Variants in PDE4D observed in about 807,000 individuals in gnomAD.
PDE4D encodes 3',5'-cyclic-AMP phosphodiesterase 4D.
PDE4D carries 24 observed loss-of-function variants against 87.4 expected under a neutral mutation model. That is an observed-to-expected ratio of 0.27 (90% CI 0.20 to 0.39). The LOEUF (loss-of-function observed/expected upper bound fraction) is 0.39, where lower values mean the gene tolerates loss of function less well. Among genes scored for constraint, PDE4D ranks in the 10% least tolerant of loss-of-function variants. The probability of loss-of-function intolerance (pLI) is 1.00; values close to 1 mark genes in which losing one functional copy is unlikely to be tolerated. For missense variants in PDE4D, 714 were observed against 1,041.0 expected (o/e 0.69, Z 4.32); for synonymous variants, 384 against 383.2 (o/e 1.00, Z -0.02).
chr5:59,125,731 G>A (rs1051988281), intron 5 of PDE4D, among the ~76,000 whole-genome samples: 2 of 152,198 alleles, frequency 1.3e-5, no homozygotes, highest in Non-Finnish European at 2.9e-5. Context: ...TGGGCAGGAT[G>A]CGATGGGGGA....
intron 1 of PDE4D, among the ~76,000 whole-genome samples, chr5:59,884,172 T>C (rs1422315812): frequency 5.9e-5 from 9 of 151,964 alleles, no homozygotes; most frequent in African/African-American, 2.2e-4. Flanking sequence ...ACAGAATATA[T>C]ATGTATTCTC....
chr5:60,067,774 T>A (rs1352197600), intron 2 of PDE4D, among the ~76,000 whole-genome samples: 1 of 152,154 alleles, frequency 6.6e-6, no homozygotes, highest in South Asian at 2.1e-4. Flanking sequence ...TTTGATTCTA[T>A]GAATTTGACT....
At chr5:59,916,332 G>T (rs766184029) in intron 3 of PDE4D, among the ~76,000 whole-genome samples, 1 of 152,144 alleles carries the variant, frequency 6.6e-6, no homozygotes, top group African/African-American at 2.4e-5. Context: ...CGTATTACAA[G>T]AATGAGCTAC....
At chr5:59,317,636 G>C (rs879700845) in intron 1 of PDE4D, among the ~76,000 whole-genome samples, 1 of 151,976 alleles carries the variant, frequency 6.6e-6, no homozygotes. Flanking sequence ...TCTTTCCCTC[G>C]CGTAAGAACC....
chr5:59,349,816 T>C (rs1780221231), intron 1 of PDE4D, among the ~76,000 whole-genome samples: 1 of 152,092 alleles, frequency 6.6e-6, no homozygotes, highest in Non-Finnish European at 1.5e-5. Flanking sequence ...TGCTGGTCCG[T>C]AGCCTGCAGG....
intron 10 of PDE4D, 52 bp downstream of exon 10, chr5:58,989,703 G>A: frequency 8.6e-7 from 1 of 1,168,326 alleles, no homozygotes; most frequent in Non-Finnish European, 1.2e-6. Context: ...AAGTTTAATA[G>A]ACCTTTATGA....
intron 1 of PDE4D, among the ~76,000 whole-genome samples, chr5:60,262,914 T>C (rs1385104387): frequency 6.6e-6 from 1 of 152,172 alleles, no homozygotes; most frequent in African/African-American, 2.4e-5. Context: ...TTATCTGTAC[T>C]TTGGGAACCA....
rs148202693 is a variant in PDE4D, at chr5:60,269,030, G to A, written c.-89-83343C>T. On this transcript the variant is annotated intron_variant, in intron 1 of 16. Transcript: ENST00000502484. ...ATACATAAATATTTCTTGGCCGGGC[G>A]CGGTGGCTCACACCTGTAATTCCAG... Among the ~76,000 whole-genome samples, 190 of 152,310 alleles carry A rather than the reference G, an allele frequency of 1.2e-3. 2 individuals carry two copies. In the East Asian group the frequency reaches 0.029, roughly 23 times the overall value.
At position 59,318,154 on chromosome 5, in the gene PDE4D, A is replaced by G. The variant is rs188259196; in HGVS notation, c.456-102186T>C. 3.3e-5 allele frequency among the ~76,000 whole-genome samples: 5 copies of G among 152,344 alleles called. No homozygotes were observed. In the South Asian group the frequency reaches 8.3e-4, roughly 25 times the overall value. ...ATGAATACATAATACACGTTTTAGTATAAGCCACAGATTCCTCTGGTCTGG... is the reference window on the plus strand; with the variant it reads ...ATGAATACATAATACACGTTTTAGTGTAAGCCACAGATTCCTCTGGTCTGG... On this transcript the variant is annotated intron_variant, in intron 1 of 14. Coordinates refer to ENST00000340635, the MANE Select transcript of PDE4D (RefSeq NM_001104631.2).
intron 1 of PDE4D, among the ~76,000 whole-genome samples, chr5:59,578,836 T>C (rs2153699101): frequency 6.6e-6 from 1 of 152,228 alleles, no homozygotes; most frequent in Middle Eastern, 3.4e-3. Flanking sequence ...TCCACAAGTT[T>C]CCCAGCTCTG....
intron 2 of PDE4D, among the ~76,000 whole-genome samples, chr5:60,020,849 ATCT>A (rs1261793975): frequency 2.0e-5 from 3 of 152,226 alleles, no homozygotes; most frequent in Admixed American, 6.5e-5. Context: ...GAAGTGAAAC[ATCT>A]TCTTTTCTTC....
At chr5:60,155,112 A>T (rs1480033612) in intron 2 of PDE4D, among the ~76,000 whole-genome samples, 2 of 152,350 alleles carry the variant, frequency 1.3e-5, no homozygotes, top group East Asian at 3.9e-4. Context: ...AGATACATCT[A>T]GGACTAGAAT....
intron 1 of PDE4D, among the ~76,000 whole-genome samples, chr5:60,245,882 T>C (rs994558900): frequency 6.6e-6 from 1 of 151,834 alleles, no homozygotes; most frequent in Non-Finnish European, 1.5e-5. Context: ...AGGGTGACTA[T>C]AGTCAAAAAT....
At chr5:60,414,194 T>C (rs1742288276) in intron 1 of PDE4D, among the ~76,000 whole-genome samples, 1 of 152,224 alleles carries the variant, frequency 6.6e-6, no homozygotes, top group Admixed American at 6.5e-5. Context: ...CTTGGTTTTG[T>C]ACTTTATACC....
chr5:60,080,444 T>C (rs543030779), intron 2 of PDE4D, among the ~76,000 whole-genome samples: 6 of 152,218 alleles, frequency 3.9e-5, no homozygotes, highest in Admixed American at 3.3e-4. Flanking sequence ...AGAGAGGGCA[T>C]CCTTGTCTTG....
At chr5:60,131,370 T>C (rs1779565680) in intron 2 of PDE4D, among the ~76,000 whole-genome samples, 1 of 152,180 alleles carries the variant, frequency 6.6e-6, no homozygotes, top group Non-Finnish European at 1.5e-5. Flanking sequence ...ATCCACCCTT[T>C]TGCAATGTGA....
At chr5:59,949,278 A>T (rs1758032053) in intron 3 of PDE4D, among the ~76,000 whole-genome samples, 1 of 152,008 alleles carries the variant, frequency 6.6e-6, no homozygotes, top group Admixed American at 6.6e-5. Flanking sequence ...AAAAATACAA[A>T]AATAATTAGC....
chr5:59,010,930 T>C (rs1752664142), intron 6 of PDE4D, among the ~76,000 whole-genome samples: 1 of 152,054 alleles, frequency 6.6e-6, no homozygotes, highest in Admixed American at 6.5e-5. Flanking sequence ...CAGATGCCCC[T>C]CTGAGATGAA....
intron 1 of PDE4D, among the ~76,000 whole-genome samples, chr5:59,885,634 T>C (rs1056573588): frequency 5.9e-5 from 9 of 152,198 alleles, no homozygotes; most frequent in Non-Finnish European, 1.0e-4. Flanking sequence ...TAGAGCCACA[T>C]AACCCAAGGT....
Sources: allele counts gnomAD v4.1 joint callset (sites outside exome capture counted in the v4.1 genomes callset), GRCh38; gene constraint gnomAD v4.1.1; transcripts MANE v1.5; gene names NCBI Gene and HGNC (gene_info 2026-07-23, HGNC 2026-07-21).